Variants in MRTFA observed in about 807,000 individuals in gnomAD.
The protein encoded by MRTFA is myocardin-related transcription factor A.
In MRTFA, 20 loss-of-function variants were observed where a neutral mutation model predicts 83.5. The ratio of observed to expected loss-of-function variants is 0.24; its 90% CI spans 0.17 to 0.35. The LOEUF is 0.35. Ranked by LOEUF, MRTFA falls within the 10% of genes least tolerant of loss-of-function variation. MRTFA has a pLI of 1.00. For synonymous variants in MRTFA, 659 were observed against 541.2 expected (o/e 1.22, Z -3.02); for missense variants, 1,200 against 1,224.7 (o/e 0.98, Z 0.30).
chr22:40,469,930 T>C (rs1350421887), intron 3 of MRTFA, among the ~76,000 whole-genome samples: 1 of 151,606 alleles, frequency 6.6e-6, no homozygotes, highest in Non-Finnish European at 1.5e-5. Flanking sequence ...ATTATGTATA[T>C]AAAGAATATA....
intron 3 of MRTFA, among the ~76,000 whole-genome samples, chr22:40,525,995 G>T (rs1276407398): frequency 6.6e-6 from 1 of 151,844 alleles, no homozygotes; most frequent in Non-Finnish European, 1.5e-5. Context: ...TGGTCAGGGA[G>T]TGCGCCTAAC....
intron 2 of MRTFA, chr22:40,586,894 G>T (rs2056037267): frequency 2.0e-5 from 7 of 352,918 alleles, no homozygotes; most frequent in South Asian, 1.1e-4. Context: ...AGTGCTGCTG[G>T]TGCTGCTGGT....
chr22:40,463,305 AGAG>A lies in MRTFA; in HGVS notation c.242-22_242-20del, dbSNP rs2053748242. 1.9e-6 allele frequency: 3 copies of A among 1,612,036 alleles called. No homozygotes were observed. The highest frequency in any genetic ancestry group is 2.5e-6 in the Non-Finnish European group (3 of 1,178,346). On this transcript the variant is annotated intron_variant, in intron 3 of 14. Coordinates refer to ENST00000355630, the MANE Select transcript of MRTFA (RefSeq NM_020831.6). Reference sequence around the variant, plus strand: ...TGTAGCACTGCAGGGCAGCAGAGAGAGAGGAGAGATGAGGGGTCAGTTGGGTAT... The same window carrying A: ...TGTAGCACTGCAGGGCAGCAGAGAGAGAGAGATGAGGGGTCAGTTGGGTAT...
chr22:40,564,056 C>T (rs1371453368), intron 2 of MRTFA, among the ~76,000 whole-genome samples: 5 of 152,018 alleles, frequency 3.3e-5, no homozygotes, highest in Admixed American at 2.6e-4. Context: ...ATCTTTGTCG[C>T]GTTAATAATG....
intron 1 of MRTFA, among the ~76,000 whole-genome samples, chr22:40,601,687 A>C (rs886508626): frequency 6.6e-6 from 1 of 152,248 alleles, no homozygotes; most frequent in African/African-American, 2.4e-5. Flanking sequence ...ATGACTGGCC[A>C]TAACCTTTAA....
At chr22:40,422,312 T>C (rs1035851975) in intron 9 of MRTFA, among the ~76,000 whole-genome samples, 2 of 152,134 alleles carry the variant, frequency 1.3e-5, no homozygotes, top group African/African-American at 4.8e-5. Context: ...CTGAAGATAA[T>C]GTTTCAGTAC....
At chr22:40,573,242 T>C (rs1407594077) in intron 2 of MRTFA, among the ~76,000 whole-genome samples, 1 of 152,124 alleles carries the variant, frequency 6.6e-6, no homozygotes, top group Non-Finnish European at 1.5e-5. Context: ...AATTGTATTT[T>C]TGGTCTTTTT....
intron 1 of MRTFA, among the ~76,000 whole-genome samples, chr22:40,602,252 T>C (rs1020831944): frequency 5.9e-5 from 9 of 152,222 alleles, no homozygotes; most frequent in African/African-American, 9.6e-5. Flanking sequence ...CAAGTGACCA[T>C]GTGCTAGATG....
intron 2 of MRTFA, among the ~76,000 whole-genome samples, chr22:40,580,371 G>T (rs889340421): frequency 6.6e-6 from 1 of 151,804 alleles, no homozygotes; most frequent in South Asian, 2.1e-4. Flanking sequence ...GCTAGTTTTT[G>T]TATTTTTTGT....
At chr22:40,492,967 G>A (rs2054294599) in intron 3 of MRTFA, among the ~76,000 whole-genome samples, 1 of 152,218 alleles carries the variant, frequency 6.6e-6, no homozygotes, top group Non-Finnish European at 1.5e-5. Context: ...AGACAATATA[G>A]GCTCTTAAGA....
At chr22:40,506,291 T>A (rs1174744877) in intron 3 of MRTFA, among the ~76,000 whole-genome samples, 2 of 152,256 alleles carry the variant, frequency 1.3e-5, no homozygotes, top group African/African-American at 4.8e-5. Flanking sequence ...TTTGATAAAA[T>A]ATAGTATATA....
chr22:40,615,931 C>T (rs953600736), intron 1 of MRTFA, among the ~76,000 whole-genome samples: 5 of 152,038 alleles, frequency 3.3e-5, no homozygotes, highest in Admixed American at 6.6e-5. Flanking sequence ...GTGATCTGCC[C>T]GCCTCGGCCT....
chr22:40,564,777 G>A lies in MRTFA; in HGVS notation c.-21-12410C>T, dbSNP rs180730419. ...AAGCTTTCTCCTGCCTCAGCCTCCCGAATAGGTGAGACTACAGGCACACGC... is the reference window on the plus strand; with the variant it reads ...AAGCTTTCTCCTGCCTCAGCCTCCCAAATAGGTGAGACTACAGGCACACGC... On this transcript the variant is annotated intron_variant, in intron 2 of 14. Coordinates refer to ENST00000355630, the MANE Select transcript of MRTFA (RefSeq NM_020831.6). 2.6e-3 allele frequency among the ~76,000 whole-genome samples: 402 copies of A among 152,118 alleles called. 3 individuals are homozygous for A. The highest frequency in any genetic ancestry group is 2.4e-3 in the Non-Finnish European group (162 of 68,002).
At chr22:40,496,083 T>TTAATAATAA (rs3044529) in intron 3 of MRTFA, among the ~76,000 whole-genome samples, 1 of 150,202 alleles carries the variant, frequency 6.7e-6, no homozygotes, top group African/African-American at 2.4e-5. Flanking sequence ...AAAAAATAAA[T>TTAATAATAA]TAATAATAAT....
intron 4 of MRTFA, among the ~76,000 whole-genome samples, chr22:40,461,693 G>C (rs2053716858): frequency 6.6e-6 from 1 of 151,918 alleles, no homozygotes; most frequent in Non-Finnish European, 1.5e-5. Flanking sequence ...CAGCTATTTG[G>C]GAGGCTGAGG....
At chr22:40,439,347 A>G (rs1042534174) in intron 4 of MRTFA, among the ~76,000 whole-genome samples, 1 of 151,858 alleles carries the variant, frequency 6.6e-6, no homozygotes, top group African/African-American at 2.4e-5. Flanking sequence ...TACTAAAATT[A>G]CAGAAAAATT....
At chr22:40,620,423 C>CTTTTTTT (rs747409456) in intron 1 of MRTFA, among the ~76,000 whole-genome samples, 37 of 94,196 alleles carry the variant, frequency 3.9e-4, no homozygotes, top group African/African-American at 7.5e-4. Context: ...AACATGCAGT[C>CTTTTTTT]TTTTTTTTTT....
chr22:40,526,369 C>A (rs571578553), intron 3 of MRTFA: 2 of 152,190 alleles, frequency 1.3e-5, no homozygotes, highest in South Asian at 4.1e-4. Flanking sequence ...CAAGGTGATG[C>A]GGGAACAAGC....
intron 1 of MRTFA, among the ~76,000 whole-genome samples, chr22:40,629,719 T>G (rs981262385): frequency 1.2e-4 from 16 of 135,428 alleles, no homozygotes. Context: ...GAGCTTGCAG[T>G]GAGCCGAGAT....
Sources: gnomAD v4.1 joint callset for allele counts (sites outside exome capture counted in the v4.1 genomes callset) on GRCh38, gnomAD v4.1.1 for gene constraint, MANE v1.5 for transcripts, NCBI Gene and HGNC (gene_info 2026-07-23, HGNC 2026-07-21) for gene names.